The following MACROD1 variants were observed in gnomAD, a reference collection of about 807,000 sequenced individuals.
The protein encoded by MACROD1 is ADP-ribose glycohydrolase MACROD1.
MACROD1 carries 31 observed loss-of-function variants against 41.4 expected under a neutral mutation model. The observed-to-expected ratio is 0.75, with a 90% CI of 0.56 to 1.01. The LOEUF is 1.01. Among genes scored for constraint, MACROD1 ranks in the 50% least tolerant of loss-of-function variants. The probability of loss-of-function intolerance (pLI) is 0.00; values close to 1 mark genes in which losing one functional copy is unlikely to be tolerated. For synonymous variants in MACROD1, 252 were observed against 203.4 expected (o/e 1.24, Z -2.03); for missense variants, 473 against 460.0 (o/e 1.03, Z -0.26).
At chr11:64,021,564 A>G (rs2134349992) in intron 3 of MACROD1, among the ~76,000 whole-genome samples, 1 of 152,080 alleles carries the variant, frequency 6.6e-6, no homozygotes, top group East Asian at 2.0e-4. Flanking sequence ...GCCCACCTGC[A>G]TGTCCCTGGA....
At chr11:64,002,295 C>G (rs535031661) in intron 4 of MACROD1, among the ~76,000 whole-genome samples, 2 of 152,294 alleles carry the variant, frequency 1.3e-5, no homozygotes, top group East Asian at 1.9e-4. Context: ...GGGGCCCGTG[C>G]GGGGAAGTGG....
intron 3 of MACROD1, among the ~76,000 whole-genome samples, chr11:64,065,790 A>C (rs1391505732): frequency 2.6e-5 from 2 of 76,824 alleles, no homozygotes; most frequent in African/African-American, 4.3e-4. Context: ...ACTCCGCCTC[A>C]AAAAAAAAAA....
intron 3 of MACROD1, among the ~76,000 whole-genome samples, chr11:64,033,107 C>A (rs1290527458): frequency 6.6e-6 from 1 of 152,252 alleles, no homozygotes; most frequent in Non-Finnish European, 1.5e-5. Context: ...TCAAAATCGA[C>A]TTGGCCCTCT....
Position 63,999,024 on chromosome 11 carries a change from T to C in MACROD1, c.904A>G (p.Ile302Val). 6.2e-7 allele frequency: 1 copy of C among 1,605,392 alleles called. No homozygotes were observed. Among genetic ancestry groups the C allele is most frequent in the South Asian group, 1.1e-5 (1 of 89,852 alleles). ...TCCTTCTCGAGGAACACGCAGATGA[T>C]CAGCCGGTCCACCTGCGCCAGGGGC... ...EQHKDKVDRL[I>V]ICVFLEKDED... The change falls in exon 9 of 11, where the codon ATC (isoleucine) becomes GTC (valine). Residue 302 changes from isoleucine to valine, a missense_variant. Transcript: ENST00000255681.
chr11:64,089,728 C>T (rs1944457218), intron 3 of MACROD1, among the ~76,000 whole-genome samples: 1 of 152,126 alleles, frequency 6.6e-6, no homozygotes, highest in Non-Finnish European at 1.5e-5. Flanking sequence ...GGTGAGAGGC[C>T]CTGAGACAGT....
At chr11:64,062,608 G>T (rs995711454) in intron 3 of MACROD1, among the ~76,000 whole-genome samples, 1 of 150,096 alleles carries the variant, frequency 6.7e-6, no homozygotes, top group Admixed American at 6.6e-5. Flanking sequence ...TGTCCTGGGC[G>T]CTGGGGATGG....
At chr11:64,045,966 C>CACTCTGCAGGTAACATG (rs1268430415) in intron 3 of MACROD1, among the ~76,000 whole-genome samples, 1 of 152,212 alleles carries the variant, frequency 6.6e-6, no homozygotes, top group Admixed American at 6.5e-5. Context: ...ACTGAGCACT[C>CACTCTGCAGGTAACATG]ACTGTGGACC....
At chr11:64,128,478 C>G (rs1456734754) in intron 3 of MACROD1, among the ~76,000 whole-genome samples, 1 of 152,086 alleles carries the variant, frequency 6.6e-6, no homozygotes, top group African/African-American at 2.4e-5. Context: ...TGTGGGGAAC[C>G]AGATTTCCAC....
intron 3 of MACROD1, among the ~76,000 whole-genome samples, chr11:64,029,543 G>C (rs377578174): frequency 2.6e-5 from 4 of 152,022 alleles, no homozygotes; most frequent in Non-Finnish European, 5.9e-5. Flanking sequence ...TCACTGTCCC[G>C]GGGGTCCAGC....
chr11:64,035,562 C>A (rs1943357239), intron 3 of MACROD1, among the ~76,000 whole-genome samples: 1 of 142,610 alleles, frequency 7.0e-6, no homozygotes. Context: ...GAGGGGTCGG[C>A]TCCCCCACCC....
intron 3 of MACROD1, chr11:64,118,385 G>A (rs1439948566): frequency 7.2e-7 from 1 of 1,396,306 alleles, no homozygotes; most frequent in Non-Finnish European, 9.4e-7. Flanking sequence ...AGAGAGCAAG[G>A]AAGAGAAATT....
chr11:64,002,817 C>G (rs1300071546), intron 4 of MACROD1, among the ~76,000 whole-genome samples: 1 of 152,152 alleles, frequency 6.6e-6, no homozygotes, highest in Non-Finnish European at 1.5e-5. Flanking sequence ...GGGTCCCATT[C>G]AGGGGAGATG....
Position 64,064,645 on chromosome 11 carries a change from T to G in MACROD1, c.518-49364A>C, listed in dbSNP as rs1359040457. ...GACAGCATTGGAACAGGATGCAGAG[T>G]AGGGGCCTCTGGCAGGACATTAAAC... On this transcript the variant is annotated intron_variant, in intron 3 of 10. Coordinates refer to ENST00000255681, the MANE Select transcript of MACROD1 (RefSeq NM_014067.4). This position sits in a 1 kb window ranked among gnomAD's most constrained non-coding sequence, Gnocchi z 4.5. Among the ~76,000 whole-genome samples the G allele has an allele frequency of 1.4e-5, 2 of 142,694 alleles. No homozygotes were observed. Among genetic ancestry groups the G allele is most frequent in the African/African-American group, 2.5e-5 (1 of 39,438 alleles). 93.6% of individuals were successfully genotyped at this position (142,694 alleles called of 152,430 possible).
rs1293483243 is a variant in MACROD1, at chr11:64,120,541, C to G, written c.517+30698G>C. ...GTCTCTCTAAAAATGCAAAAATTAG[C>G]CAGGCATGGTGGCAGGCGCCTGTTA... On this transcript the variant is annotated intron_variant, in intron 3 of 10. Coordinates refer to ENST00000255681, the MANE Select transcript of MACROD1 (RefSeq NM_014067.4). The surrounding 1 kb of genome is among the most constrained non-coding windows in gnomAD (Gnocchi z 4.5). 6.6e-6 allele frequency among the ~76,000 whole-genome samples: 1 copy of G among 152,158 alleles called. No homozygotes were observed. The highest frequency in any genetic ancestry group is 1.5e-5 in the Non-Finnish European group (1 of 68,034).
intron 3 of MACROD1, among the ~76,000 whole-genome samples, chr11:64,042,360 G>A (rs1943503901): frequency 6.6e-6 from 1 of 152,146 alleles, no homozygotes; most frequent in Non-Finnish European, 1.5e-5. Flanking sequence ...TGCCCTTCCT[G>A]CCCCCAGACA....
chr11:64,086,462 C>A (rs1311726181), intron 3 of MACROD1, among the ~76,000 whole-genome samples: 1 of 151,920 alleles, frequency 6.6e-6, no homozygotes, highest in Non-Finnish European at 1.5e-5. Flanking sequence ...CCTCTGCTCT[C>A]CCCATGCCCT....
chr11:64,149,194 A>G (rs1281431190), intron 3 of MACROD1, among the ~76,000 whole-genome samples: 1 of 152,180 alleles, frequency 6.6e-6, no homozygotes, highest in Non-Finnish European at 1.5e-5. Flanking sequence ...CACCAGTTTC[A>G]GCACCAGTGC....
At chr11:64,024,251 G>A (rs181782257) in intron 3 of MACROD1, among the ~76,000 whole-genome samples, 1 of 152,284 alleles carries the variant, frequency 6.6e-6, no homozygotes, top group Non-Finnish European at 1.5e-5. Context: ...ACTTTAAAAC[G>A]AAACAAAAAA....
intron 3 of MACROD1, among the ~76,000 whole-genome samples, chr11:64,080,709 G>A (rs759443621): frequency 4.6e-5 from 7 of 152,160 alleles, no homozygotes; most frequent in East Asian, 1.9e-4. Flanking sequence ...ACCCAGGACC[G>A]GGGAAGGAGG....
Sources: allele counts gnomAD v4.1 joint callset (sites outside exome capture counted in the v4.1 genomes callset), GRCh38; gene constraint gnomAD v4.1.1; non-coding constraint Gnocchi (gnomAD v3.1); transcripts MANE v1.5; gene names NCBI Gene and HGNC (gene_info 2026-07-23, HGNC 2026-07-21).